The following ASXL3 variants were observed in gnomAD, a reference collection of about 807,000 sequenced individuals.
ASXL3 encodes the protein ASXL transcriptional regulator 3.
In ASXL3, 34 loss-of-function variants were observed where a neutral mutation model predicts 170.6. That is an observed-to-expected ratio of 0.20 (90% CI 0.15 to 0.27). ASXL3 has a LOEUF of 0.27. Among genes scored for constraint, ASXL3 ranks in the 10% least tolerant of loss-of-function variants. The probability of loss-of-function intolerance (pLI) is 1.00; values close to 1 mark genes in which losing one functional copy is unlikely to be tolerated. For missense variants in ASXL3, 2,592 were observed against 2,695.3 expected (o/e 0.96, Z 0.85); for synonymous variants, 1,002 against 989.1 (o/e 1.01, Z -0.24).
chr18:33,666,220 A>G (rs779836500), intron 5 of ASXL3, among the ~76,000 whole-genome samples: 1 of 152,310 alleles, frequency 6.6e-6, no homozygotes, highest in Non-Finnish European at 1.5e-5. Context: ...GTTCTACAAG[A>G]TAGTCCATTA....
Position 33,745,898 on chromosome 18 carries a change from C to T in ASXL3, c.6050C>T (p.Pro2017Leu), listed in dbSNP as rs372409838. The T allele has an allele frequency of 3.7e-5, 60 of 1,611,204 alleles. No homozygotes were observed. Among genetic ancestry groups the T allele is most frequent in the African/African-American group, 1.6e-4 (12 of 74,672 alleles). The change falls in exon 12 of 12, where the codon CCG becomes CTG. Residue 2017 changes from proline to leucine, a missense_variant. Physicochemically the swap from Pro to Leu is moderately conservative, Grantham distance 98. Transcript: ENST00000269197. ...ATGCCAAACAAAGCACTAGTACATCCGCCGCCGCCACCGCCTCCCCCTCCC... is the reference window on the plus strand; with the variant it reads ...ATGCCAAACAAAGCACTAGTACATCTGCCGCCGCCACCGCCTCCCCCTCCC... ...HTMPNKALVH[P>L]PPPPPPPPPP...
intron 8 of ASXL3, among the ~76,000 whole-genome samples, chr18:33,724,762 G>A (rs2145379994): frequency 6.6e-6 from 1 of 152,100 alleles, no homozygotes; most frequent in South Asian, 2.1e-4. Context: ...CTTTTAGATG[G>A]ATTTACCTAT....
Position 33,646,336 on chromosome 18 carries a change from A to G in ASXL3, c.338A>G (p.His113Arg), listed in dbSNP as rs1001563296. Residue 113 changes from histidine to arginine, a missense_variant, in exon 4 of 12, where the codon CAT (histidine) becomes CGT (arginine). His to Arg is a conservative substitution (Grantham distance 29). Transcript: ENST00000269197. ...ACAGATATGGCCGAGGCAAATGCCCATGGAGAAGAAAATGGAGGTAAGTGT... is the reference window on the plus strand; with the variant it reads ...ACAGATATGGCCGAGGCAAATGCCCGTGGAGAAGAAAATGGAGGTAAGTGT... ...DGTDMAEANA[H>R]GEENGVCSKQ... 3.5e-5 allele frequency: 57 copies of G among 1,609,572 alleles called. No homozygotes were observed. Among genetic ancestry groups the G allele is most frequent in the Non-Finnish European group, 4.5e-5 (53 of 1,177,168 alleles).
chr18:33,600,405 TG>T (rs1372434424), intron 1 of ASXL3, among the ~76,000 whole-genome samples: 3 of 152,138 alleles, frequency 2.0e-5, no homozygotes, highest in African/African-American at 7.2e-5. Flanking sequence ...GAAAGCATAA[TG>T]TTTACTTGAA....
At chr18:33,634,656 C>A (rs1224795799) in intron 2 of ASXL3, among the ~76,000 whole-genome samples, 2 of 152,024 alleles carry the variant, frequency 1.3e-5, no homozygotes, top group African/African-American at 4.8e-5. Flanking sequence ...AAATGCCTTT[C>A]CAAATTGGTT....
chr18:33,661,501 T>A (rs957218229), intron 4 of ASXL3, 115 bp from the exon 5 acceptor site: 63 of 914,538 alleles, frequency 6.9e-5, no homozygotes, highest in Non-Finnish European at 9.7e-5. Flanking sequence ...ACTGTGCTAT[T>A]TTGCTTTATT....
At chr18:33,635,324 C>A (rs2145180834) in intron 2 of ASXL3, among the ~76,000 whole-genome samples, 1 of 152,284 alleles carries the variant, frequency 6.6e-6, no homozygotes, top group South Asian at 2.1e-4. Context: ...GCTTATTTAA[C>A]TTGGGCATCC....
At chr18:33,606,316 T>A (rs956302481) in intron 1 of ASXL3, among the ~76,000 whole-genome samples, 3 of 151,904 alleles carry the variant, frequency 2.0e-5, no homozygotes, top group Admixed American at 6.6e-5. Context: ...CATATTTCTG[T>A]ATTCTTTTAA....
At chr18:33,645,056 A>G (rs370589545) in intron 3 of ASXL3, 54 bp downstream of exon 3, 1 of 1,285,180 alleles carries the variant, frequency 7.8e-7, no homozygotes. Context: ...ATTTTTTCAG[A>G]CATGTGAAGG....
chr18:33,717,050 G>T (rs930079412), intron 8 of ASXL3, among the ~76,000 whole-genome samples: 3 of 152,084 alleles, frequency 2.0e-5, no homozygotes, highest in Non-Finnish European at 4.4e-5. Context: ...CATCAAGGAG[G>T]TGATTAATTA....
At chr18:33,676,901 T>A (rs980275439) in intron 7 of ASXL3, among the ~76,000 whole-genome samples, 2 of 152,200 alleles carry the variant, frequency 1.3e-5, no homozygotes, top group Admixed American at 1.3e-4. Flanking sequence ...TGTGAATGCT[T>A]TAAAAATTCT....
At position 33,743,965 on chromosome 18, in the gene ASXL3, A is replaced by G. The variant is rs202041409; in HGVS notation, c.4117A>G (p.Lys1373Glu). The change falls in exon 12 of 12, where the codon AAG becomes GAG. Residue 1373 changes from lysine to glutamate, a missense_variant. Transcript: ENST00000269197. ...AATTAACAACAGATTTCCTTCTGAG[A>G]AGATAGCCATACCTGGGAGTGAAGA... ...MGINNRFPSE[K>E]IAIPGSEEQA... 157 of 1,614,032 alleles carry G rather than the reference A, an allele frequency of 9.7e-5. No individual in the cohort carries two copies. The highest frequency in any genetic ancestry group is 6.6e-4 in the Middle Eastern group (4 of 6,062).
chr18:33,751,133 A>G lies in ASXL3; in HGVS notation c.*4538A>G, dbSNP rs954131722. The G allele has an allele frequency of 6.6e-6, 1 of 152,186 alleles. No homozygotes were observed. The highest frequency in any genetic ancestry group is 2.4e-5 in the African/African-American group (1 of 41,460). The allele number at this position is 152,186 out of a possible 1,614,324, so 9.4% of individuals were successfully genotyped here. A position where few individuals can be genotyped will look rare whatever the true frequency, so the allele number is the denominator to read the frequency against. On this transcript the variant is annotated 3_prime_UTR_variant, in exon 12 of 12. Coordinates refer to ENST00000269197, the MANE Select transcript of ASXL3 (RefSeq NM_030632.3). ...TGTTTCTCTGTCTTTCCCTTTCTCA[A>G]AGTAACAACTTGGGTTTCAATATTA...
intron 1 of ASXL3, among the ~76,000 whole-genome samples, chr18:33,604,006 G>A (rs2065215968): frequency 1.3e-5 from 2 of 152,022 alleles, no homozygotes; most frequent in African/African-American, 4.8e-5. Flanking sequence ...GCGAAACTCA[G>A]CAGTTTTAGG....
intron 7 of ASXL3, among the ~76,000 whole-genome samples, chr18:33,676,020 C>T (rs183955289): frequency 3.0e-4 from 45 of 151,682 alleles, no homozygotes; most frequent in Non-Finnish European, 4.9e-4. Flanking sequence ...GTCAGGAGAT[C>T]GAGACCATCC....
intron 2 of ASXL3, among the ~76,000 whole-genome samples, chr18:33,624,607 A>G (rs572946886): frequency 3.3e-5 from 5 of 152,202 alleles, no homozygotes; most frequent in Admixed American, 2.0e-4. Context: ...ATTTCTGCCC[A>G]TTATCTGATG....
Position 33,701,059 on chromosome 18 carries a change from T to A in ASXL3, c.879+17491T>A, listed in dbSNP as rs189112454. Among the ~76,000 whole-genome samples, 291 of 152,060 alleles carry A rather than the reference T, an allele frequency of 1.9e-3. 6 individuals carry two copies. The South Asian group carries it at 0.044, about 23-fold the overall frequency. On this transcript the variant is annotated intron_variant, in intron 8 of 11. Transcript: ENST00000269197. ...TCTGTTGTTTTTTGTCTTTTTTTTT[T>A]AAAAGTTATTAGCTATACAAAAAAT...
At chr18:33,617,139 T>G (rs2065436282) in intron 2 of ASXL3, among the ~76,000 whole-genome samples, 1 of 152,180 alleles carries the variant, frequency 6.6e-6, no homozygotes, top group African/African-American at 2.4e-5. Flanking sequence ...TGCTTACTAC[T>G]CATATGTGTT....
At chr18:33,589,715 T>G (rs2065062139) in intron 1 of ASXL3, among the ~76,000 whole-genome samples, 1 of 152,148 alleles carries the variant, frequency 6.6e-6, no homozygotes, top group South Asian at 2.1e-4. Context: ...TATAGGAATT[T>G]TATATGATGG....
Sources: allele counts gnomAD v4.1 joint callset (sites outside exome capture counted in the v4.1 genomes callset), GRCh38; gene constraint gnomAD v4.1.1; transcripts MANE v1.5; gene names NCBI Gene and HGNC (gene_info 2026-07-23, HGNC 2026-07-21).